Variants in CPLANE1 observed in about 807,000 individuals in gnomAD.
CPLANE1 encodes ciliogenesis and planar polarity effector complex subunit 1.
In CPLANE1, 263 loss-of-function variants were observed where a neutral mutation model predicts 362.5. The observed-to-expected ratio is 0.73, with a 90% CI of 0.66 to 0.80. The LOEUF is 0.80. Ranked by LOEUF, CPLANE1 falls within the 30% of genes least tolerant of loss-of-function variation. The pLI, the probability that CPLANE1 is intolerant of heterozygous loss-of-function variation, is 0.00. For synonymous variants in CPLANE1, 1,212 were observed against 1,302.6 expected (o/e 0.93, Z 1.50); for missense variants, 3,461 against 3,793.4 (o/e 0.91, Z 2.30).
At chr5:37,244,796 G>A (rs116160221) in intron 4 of CPLANE1, among the ~76,000 whole-genome samples, 189 bp from the exon 5 acceptor site, 288 of 152,110 alleles carry the variant, frequency 1.9e-3, no homozygotes, top group African/African-American at 6.7e-3. Flanking sequence ...CAGCACTTTG[G>A]GAGGCTTAAG....
rs527363028 is a variant in CPLANE1, at chr5:37,120,050, G to GA, written c.9310+165dup. Among the ~76,000 whole-genome samples, 428 of 143,578 alleles carry GA rather than the reference G, an allele frequency of 3.0e-3. 8 individuals are homozygous for GA. The highest frequency in any genetic ancestry group is 0.023 in the South Asian group (105 of 4,544). The allele number at this position is 143,578 out of a possible 152,430, so 94.2% of individuals were successfully genotyped here. A position where few individuals can be genotyped will look rare whatever the true frequency, so the allele number is the denominator to read the frequency against. ...ATTCCTAGGGCCTTACTTCAAAGCA[G>GA]AAAAAAAAAAAATTACAGCTAAGTC... On this transcript the variant is annotated intron_variant, in intron 50 of 52. Coordinates refer to ENST00000651892, the MANE Select transcript of CPLANE1 (RefSeq NM_001384732.1).
chr5:37,123,930 T>TACACACACACACACACAC lies in CPLANE1; in HGVS notation c.8958+1296_8958+1313dup, dbSNP rs56833956. Among the ~76,000 whole-genome samples, 276 of 144,530 alleles carry TACACACACACACACACAC rather than the reference T, an allele frequency of 1.9e-3. 1 individual carries two copies. The highest frequency in any genetic ancestry group is 6.7e-3 in the African/African-American group (264 of 39,258). The allele number at this position is 144,530 out of a possible 152,430, so 94.8% of individuals were successfully genotyped here. On this transcript the variant is annotated intron_variant, in intron 47 of 52. Transcript: ENST00000651892. ...CATTCTACATTAGGCTAGGGGAACA[T>TACACACACACACACACAC]ACACACACACACACACACACACACA...
At chr5:37,211,075 A>G (rs1205515357) in intron 16 of CPLANE1, 10 of 884,018 alleles carry the variant, frequency 1.1e-5, no homozygotes, top group Admixed American at 5.1e-5. Context: ...CATTCTGCCA[A>G]TGGATTAATA....
rs1770043408 is a variant in CPLANE1 at position 37,142,417 on chromosome 5, T to A, written c.8525A>T (p.Glu2842Val). The stretch of plus-strand genomic sequence containing the variant: ...AGAATAATTTTCTGTTATTGAAAAT[T>A]CAGGTTCTGAAGTCTCCTTTTTGTC... Reference protein sequence around the residue: ...QSDKKETSEPEFSITENYSGQ... With the variant: ...QSDKKETSEPVFSITENYSGQ... The change falls in exon 44 of 53, where the codon GAA becomes GTA. Residue 2842 changes from glutamate to valine, a missense_variant. Around this residue, in one of 2 missense-constraint regions of CPLANE1, gnomAD observed 3,380 missense variants for 3,666.1 expected, o/e 0.92. Coordinates refer to ENST00000651892, the MANE Select transcript of CPLANE1 (RefSeq NM_001384732.1). 1 of 1,610,560 alleles carries A rather than the reference T, an allele frequency of 6.2e-7. No individual in the cohort carries two copies. The highest frequency in any genetic ancestry group is 8.5e-7 in the Non-Finnish European group (1 of 1,178,642).
chr5:37,078,492 A>G, the CPLANE1 span, among the ~76,000 whole-genome samples: 1 of 152,176 alleles, frequency 6.6e-6, no homozygotes, highest in Non-Finnish European at 1.5e-5. Flanking sequence ...GCTATTGTGA[A>G]TAGTGCTGCA....
At chr5:37,137,756 C>G (rs301872) in intron 46 of CPLANE1, among the ~76,000 whole-genome samples, 76,251 of 151,868 alleles carry the variant, frequency 0.5, 21,916 homozygotes, top group African/African-American at 0.81. Flanking sequence ...GTTCTTGTGA[C>G]AACTCACTCA....
intron 15 of CPLANE1, among the ~76,000 whole-genome samples, chr5:37,219,990 C>T (rs79270964): frequency 6.6e-5 from 10 of 152,266 alleles, no homozygotes; most frequent in East Asian, 3.9e-4. Context: ...CAGTGGCTCA[C>T]ACCTATAATC....
intron 38 of CPLANE1, among the ~76,000 whole-genome samples, chr5:37,158,914 G>A (rs1055720939): frequency 4.0e-5 from 6 of 150,968 alleles, no homozygotes; most frequent in Admixed American, 3.3e-4. Flanking sequence ...CTCCCGAGTA[G>A]CTGAGACTAC....
At chr5:37,080,047 T>TCTTC in the CPLANE1 span, among the ~76,000 whole-genome samples, 1 of 152,244 alleles carries the variant, frequency 6.6e-6, no homozygotes, top group Admixed American at 6.5e-5. Flanking sequence ...GTCTTGAAGA[T>TCTTC]GAGCGGATAT....
Position 37,209,469 on chromosome 5 carries a change from C to G in CPLANE1, c.2921-3044G>C. On this transcript the variant is annotated intron_variant, in intron 16 of 52. Transcript: ENST00000651892. This position sits in a 1 kb window ranked among gnomAD's most constrained non-coding sequence, Gnocchi z 4.6. ...TAAGGATCGGGGTATACTGGAAACA[C>G]TCAAGATACAACTTCGAAACCAGCT... 2 of 1,300,774 alleles carry G rather than the reference C, an allele frequency of 1.5e-6. No homozygotes were observed. Among genetic ancestry groups the G allele is most frequent in the Non-Finnish European group, 2.2e-6 (2 of 896,258 alleles). 80.6% of individuals were successfully genotyped at this position (1,300,774 alleles called of 1,614,324 possible). A position where few individuals can be genotyped will look rare whatever the true frequency, so the allele number is the denominator to read the frequency against.
chr5:37,078,671 T>C, the CPLANE1 span, among the ~76,000 whole-genome samples: 1 of 152,132 alleles, frequency 6.6e-6, no homozygotes, highest in African/African-American at 2.4e-5. Flanking sequence ...CCAGCAACAG[T>C]GTAAAGGTGT....
At chr5:37,154,776 GAA>G (rs963930504) in intron 41 of CPLANE1, among the ~76,000 whole-genome samples, 1 of 151,984 alleles carries the variant, frequency 6.6e-6, no homozygotes, top group African/African-American at 2.4e-5. Flanking sequence ...TGTCATTGAT[GAA>G]AGATCCCAAA....
intron 46 of CPLANE1, among the ~76,000 whole-genome samples, chr5:37,136,854 C>G (rs1561366936): frequency 6.6e-6 from 1 of 152,220 alleles, no homozygotes; most frequent in African/African-American, 2.4e-5. Context: ...ATGCAGGGCA[C>G]CAAGTCCCTA....
intron 36 of CPLANE1, 72 bp from the exon 37 acceptor site, chr5:37,164,399 T>C (rs925664832): frequency 1.7e-6 from 2 of 1,157,490 alleles, no homozygotes; most frequent in African/African-American, 3.1e-5. Context: ...AAAAAATCAA[T>C]AGCTATGAAG....
chr5:37,237,499 C>G (rs1016871671), intron 8 of CPLANE1, among the ~76,000 whole-genome samples: 13 of 152,264 alleles, frequency 8.5e-5, no homozygotes, highest in African/African-American at 2.6e-4. Context: ...ACAATGTTCA[C>G]TATTAATACT....
In CPLANE1 at chr5:37,201,624, T is replaced by C. The variant is rs148286269; in HGVS notation, c.3474A>G (p.Pro1158=). Residue 1158 remains proline, a synonymous_variant, in exon 19 of 53, where the codon CCA becomes CCG. Coordinates refer to ENST00000651892, the MANE Select transcript of CPLANE1 (RefSeq NM_001384732.1). ...VPFGLYLPAP[P]LYCPQPAILS... Reference sequence around the variant, plus strand: ...GAATAGCTGGCTGGGGACAGTACAATGGAGGAGCTGGAAGATACAAGCCGA... The same window carrying C: ...GAATAGCTGGCTGGGGACAGTACAACGGAGGAGCTGGAAGATACAAGCCGA... The C allele has an allele frequency of 6.2e-6, 10 of 1,613,968 alleles. No individual in the cohort carries two copies. In the African/African-American group the frequency reaches 1.1e-4, roughly 17 times the overall value.
intron 46 of CPLANE1, among the ~76,000 whole-genome samples, chr5:37,134,194 A>C (rs1463352539): frequency 6.6e-6 from 1 of 152,088 alleles, no homozygotes; most frequent in Non-Finnish European, 1.5e-5. Flanking sequence ...TGATTTTTTA[A>C]AAGAGTTTCA....
At chr5:37,082,402 T>C in the CPLANE1 span, among the ~76,000 whole-genome samples, 2 of 152,054 alleles carry the variant, frequency 1.3e-5, no homozygotes, top group African/African-American at 4.8e-5. Flanking sequence ...ACAACAAAGC[T>C]GGAGGCATCA....
chr5:37,230,933 G>A lies in CPLANE1; in HGVS notation c.1055C>T (p.Thr352Ile), dbSNP rs1443893630. The change falls in exon 9 of 53, where the codon ACA becomes ATA. Residue 352 changes from threonine to isoleucine, a missense_variant. By Grantham distance (89) the Thr-to-Ile change is moderately conservative (BLOSUM62 -1). Transcript: ENST00000651892. ...TCQGELLTLI[T>I]FGCSIEFGPA... is the part of the protein sequence containing the mutation. ...GCCAAATTCTATAGAGCAACCAAAT[G>A]TAATTAATGTTAGCAATTCACCTTG... 21 of 1,550,416 alleles carry A rather than the reference G, an allele frequency of 1.4e-5. No individual in the cohort carries two copies. The Admixed American group carries it at 2.4e-4, about 17-fold the overall frequency.
Sources: gnomAD v4.1 joint callset for allele counts (sites outside exome capture counted in the v4.1 genomes callset) on GRCh38, gnomAD v4.1.1 for gene constraint, gnomAD v4.1.1 regional missense constraint, Gnocchi (gnomAD v3.1) non-coding constraint, MANE v1.5 for transcripts, NCBI Gene and HGNC (gene_info 2026-07-23, HGNC 2026-07-21) for gene names.